Variants in MAP6 observed in about 807,000 individuals in gnomAD.
MAP6 encodes microtubule-associated protein 6.
Under a neutral mutation model 42.4 loss-of-function variants are expected in MAP6, and 26 were observed. The ratio of observed to expected loss-of-function variants is 0.61; its 90% CI spans 0.45 to 0.85. The LOEUF (loss-of-function observed/expected upper bound fraction) is 0.85, where lower values mean the gene tolerates loss of function less well. Among genes scored for constraint, MAP6 ranks in the 40% least tolerant of loss-of-function variants. The pLI, the probability that MAP6 is intolerant of heterozygous loss-of-function variation, is 0.00. For synonymous variants in MAP6, 418 were observed against 443.8 expected, an observed-to-expected ratio of 0.94 and a Z score of 0.73; for missense variants, 966 against 1,099.0, an observed-to-expected ratio of 0.88 and a Z score of 1.71.
chr11:75,589,630 C>T (rs1427772369), intron 3 of MAP6, among the ~76,000 whole-genome samples: 1 of 152,186 alleles, frequency 6.6e-6, no homozygotes, highest in African/African-American at 2.4e-5. Flanking sequence ...CCTTCCGCTC[C>T]TGGATCCTGT....
intron 1 of MAP6, among the ~76,000 whole-genome samples, chr11:75,656,546 G>A (rs748457913): frequency 3.3e-5 from 5 of 152,162 alleles, no homozygotes; most frequent in Non-Finnish European, 5.9e-5. Context: ...TTTTGGACAG[G>A]AGAGGCAAGC....
At chr11:75,629,208 CTCCGAAG>C (rs1423113316) in intron 1 of MAP6, among the ~76,000 whole-genome samples, 2 of 152,198 alleles carry the variant, frequency 1.3e-5, no homozygotes, top group African/African-American at 4.8e-5. Context: ...CTGCCTTAGC[CTCCGAAG>C]TAGCTGGGAT....
intron 1 of MAP6, among the ~76,000 whole-genome samples, chr11:75,650,770 A>G (rs1460827669): frequency 3.9e-5 from 6 of 152,236 alleles, no homozygotes; most frequent in African/African-American, 1.4e-4. Context: ...CAGAAATAGT[A>G]AATGGAAAGG....
intron 1 of MAP6, among the ~76,000 whole-genome samples, chr11:75,664,661 C>T (rs1289445606): frequency 6.6e-6 from 1 of 152,178 alleles, no homozygotes; most frequent in Non-Finnish European, 1.5e-5. Flanking sequence ...TAAGGCCCAT[C>T]TTATGTCAGT....
intron 1 of MAP6, among the ~76,000 whole-genome samples, chr11:75,620,813 T>G (rs146015872): frequency 1.3e-5 from 2 of 152,140 alleles, no homozygotes; most frequent in Non-Finnish European, 2.9e-5. Context: ...AAAAACCATA[T>G]GATCATCTCA....
chr11:75,608,104 C>T lies in MAP6; in HGVS notation c.1119+5G>A. 6.2e-7 allele frequency: 1 copy of T among 1,613,234 alleles called. No homozygotes were observed. The highest frequency in any genetic ancestry group is 2.2e-5 in the East Asian group (1 of 44,878). ...GCTGATGGGTTCCCACAAGGTCTGT[C>T]TCACCTTTGGGGGTTCCTTGAAGGG... On this transcript the variant is annotated splice_donor_5th_base_variant and intron_variant, in intron 2 of 3. Transcript: ENST00000304771.
chr11:75,607,199 C>T (rs995066024), intron 2 of MAP6: 19 of 980,264 alleles, frequency 1.9e-5, no homozygotes, highest in African/African-American at 7.0e-5. Context: ...CAAACTGGGT[C>T]GGTTAGTTAC....
Position 75,608,264 on chromosome 11 carries a change from G to A in MAP6, c.964C>T (p.Gln322Ter). Reference protein sequence around the residue: ...KPVKPIKAKPQYKPPDDKMVH... With the variant: ...KPVKPIKAKP ...ATCTTATCATCTGGGGGCTTGTACT[G>A]GGGCTTGGCCTTTATTGGTTTCACA... The change falls in exon 2 of 4, where the codon CAG becomes TAG. Residue 322 changes from glutamine (Q) to a stop codon, truncating the protein, a stop_gained. Coordinates refer to ENST00000304771, the MANE Select transcript of MAP6 (RefSeq NM_033063.2). LOFTEE classifies it high-confidence loss of function. 2 of 1,614,184 alleles carry A rather than the reference G, an allele frequency of 1.2e-6. No homozygotes were observed. The highest frequency in any genetic ancestry group is 1.7e-6 in the Non-Finnish European group (2 of 1,180,026).
At chr11:75,650,432 T>C (rs1292959381) in intron 1 of MAP6, among the ~76,000 whole-genome samples, 5 of 152,208 alleles carry the variant, frequency 3.3e-5, no homozygotes, top group African/African-American at 7.2e-5. Flanking sequence ...CACAGCTAAA[T>C]TTAATAATTA....
chr11:75,608,473 G>A (rs1189811929), intron 1 of MAP6, 151 bp from the exon 2 acceptor site: 2 of 672,838 alleles, frequency 3.0e-6, no homozygotes, highest in African/African-American at 3.6e-5. Context: ...TCTTTCATAA[G>A]GAAGAGTGCA....
Position 75,667,400 on chromosome 11 carries a change from C to A in MAP6, c.905+65G>T. 1 of 1,358,836 alleles carries A rather than the reference C, an allele frequency of 7.4e-7. No individual in the cohort carries two copies. Among genetic ancestry groups the A allele is most frequent in the Non-Finnish European group, 9.5e-7 (1 of 1,050,058 alleles). 84.2% of individuals were successfully genotyped at this position (1,358,836 alleles called of 1,614,324 possible). ...TAGGCCTGCGCTGGGGATCCTGGGC[C>A]CCGGGCAGCCCGCGGGGAGGGTCTG... On this transcript the variant is annotated intron_variant, in intron 1 of 3. Coordinates refer to ENST00000304771, the MANE Select transcript of MAP6 (RefSeq NM_033063.2). The surrounding 1 kb of genome is among the most constrained non-coding windows in gnomAD (Gnocchi z 5.6).
At chr11:75,592,206 ATT>A (rs1942490335) in intron 3 of MAP6, among the ~76,000 whole-genome samples, 1 of 152,092 alleles carries the variant, frequency 6.6e-6, no homozygotes, top group Non-Finnish European at 1.5e-5. Flanking sequence ...GTCTCTCCAG[ATT>A]AGTTTCGTTT....
chr11:75,615,344 T>C (rs1486475243), intron 1 of MAP6, among the ~76,000 whole-genome samples: 1 of 152,190 alleles, frequency 6.6e-6, no homozygotes, highest in Non-Finnish European at 1.5e-5. Context: ...TAAGAAAGAA[T>C]GTAAAGCAGT....
At chr11:75,600,301 C>T (rs1322603492) in intron 3 of MAP6, among the ~76,000 whole-genome samples, 1 of 152,176 alleles carries the variant, frequency 6.6e-6, no homozygotes, top group East Asian at 1.9e-4. Context: ...AGAGACACAG[C>T]GTTGCACGGC....
At chr11:75,649,828 C>A (rs752922692) in intron 1 of MAP6, among the ~76,000 whole-genome samples, 1 of 152,012 alleles carries the variant, frequency 6.6e-6, no homozygotes, top group South Asian at 2.1e-4. Context: ...TGTGAGCCAC[C>A]GCACCCAGCC....
chr11:75,605,994 G>T lies in MAP6; in HGVS notation c.1130C>A (p.Pro377His). The stretch of plus-strand genomic sequence containing the variant: ...TTTTGGTTTGGAACTCTGAACACTA[G>T]GTTTTTCCACCTGTACGGAGAGACA... Reference protein sequence around the residue: ...PFKEPPKVEKPSVQSSKPKKT... With the variant: ...PFKEPPKVEKHSVQSSKPKKT... Residue 377 changes from proline (P) to histidine (H), a missense_variant, in exon 3 of 4, where the codon CCT (proline) becomes CAT (histidine). Physicochemically the swap from Pro to His is moderately conservative, Grantham distance 77. Coordinates refer to ENST00000304771, the MANE Select transcript of MAP6 (RefSeq NM_033063.2). The T allele has an allele frequency of 6.2e-7, 1 of 1,613,738 alleles. No individual in the cohort carries two copies. Among genetic ancestry groups the T allele is most frequent in the South Asian group, 1.1e-5 (1 of 91,066 alleles).
chr11:75,658,132 C>T (rs922445006), intron 1 of MAP6, among the ~76,000 whole-genome samples: 24 of 152,244 alleles, frequency 1.6e-4, no homozygotes, highest in African/African-American at 4.8e-4. Flanking sequence ...CTGCTATAAA[C>T]ATTCTTATAT....
chr11:75,594,685 G>A (rs1351003138), intron 3 of MAP6: 6 of 152,348 alleles, frequency 3.9e-5, no homozygotes, highest in Admixed American at 6.5e-5. Flanking sequence ...CATGGCTGGT[G>A]TAGCTTCTTC....
At chr11:75,612,512 G>A (rs933655828) in intron 1 of MAP6, among the ~76,000 whole-genome samples, 2 of 152,208 alleles carry the variant, frequency 1.3e-5, no homozygotes, top group African/African-American at 4.8e-5. Flanking sequence ...AGCGGATGAA[G>A]GGAATTCAGG....
Sources: allele counts gnomAD v4.1 joint callset (sites outside exome capture counted in the v4.1 genomes callset), GRCh38; gene constraint gnomAD v4.1.1; non-coding constraint Gnocchi (gnomAD v3.1); transcripts MANE v1.5; gene names NCBI Gene and HGNC (gene_info 2026-07-23, HGNC 2026-07-21).